Variants in COPS8 observed in about 807,000 individuals in gnomAD.
The protein encoded by COPS8 is COP9 signalosome complex subunit 8.
In COPS8, 11 loss-of-function variants were observed where a neutral mutation model predicts 31.5. The ratio of observed to expected loss-of-function variants is 0.35; its 90% CI spans 0.22 to 0.58. The LOEUF (loss-of-function observed/expected upper bound fraction) is 0.58, where lower values mean the gene tolerates loss of function less well. Ranked by LOEUF, COPS8 falls within the 20% of genes least tolerant of loss-of-function variation. The pLI is 0.83. For synonymous variants in COPS8, 81 were observed against 89.3 expected (o/e 0.91, Z 0.52); for missense variants, 215 against 255.1 (o/e 0.84, Z 1.07).
intron 6 of COPS8, 154 bp from the exon 7 acceptor site, chr2:237,096,668 A>G (rs1696806319): frequency 1.5e-6 from 1 of 674,124 alleles, no homozygotes; most frequent in Non-Finnish European, 2.6e-6. Context: ...GGGAAGAGTA[A>G]TATAATAAAG....
chr2:237,086,934 C>T, intron 1 of COPS8, 193 bp from the exon 2 acceptor site: 1 of 458,388 alleles, frequency 2.2e-6, no homozygotes, highest in Non-Finnish European at 3.7e-6. Context: ...TCAGAATTTT[C>T]GTGTTTGATA....
At chr2:237,095,078 A>G (rs1384304941) in intron 5 of COPS8, among the ~76,000 whole-genome samples, 1 of 152,208 alleles carries the variant, frequency 6.6e-6, no homozygotes. Flanking sequence ...CTAAATTTCC[A>G]GGGCCTAGCA....
chr2:237,096,754 C>A, intron 6 of COPS8, 68 bp from the exon 7 acceptor site: 2 of 1,209,848 alleles, frequency 1.7e-6, no homozygotes, highest in Non-Finnish European at 2.4e-6. Context: ...CTGAAAATAG[C>A]ATGTTCTATG....
chr2:237,085,959 G>A lies in COPS8; in HGVS notation c.-6G>A, dbSNP rs1282914626. ...GGACGGTGCAGCGGCGAGGCCGGCCGCGAAGATGCCAGTGGCGGTGATGGC... is the reference window on the plus strand; with the variant it reads ...GGACGGTGCAGCGGCGAGGCCGGCCACGAAGATGCCAGTGGCGGTGATGGC... On this transcript the variant is annotated 5_prime_UTR_variant, in exon 1 of 8. Coordinates refer to ENST00000354371, the MANE Select transcript of COPS8 (RefSeq NM_006710.5). 1.2e-6 allele frequency: 2 copies of A among 1,612,378 alleles called. No individual in the cohort carries two copies. The highest frequency in any genetic ancestry group is 1.7e-6 in the Non-Finnish European group (2 of 1,179,216).
intron 4 of COPS8, among the ~76,000 whole-genome samples, chr2:237,092,354 C>CAT (rs1317867975): frequency 6.6e-6 from 1 of 152,220 alleles, no homozygotes; most frequent in East Asian, 1.9e-4. Flanking sequence ...TCTCCCATCA[C>CAT]ATGTTTTTCT....
chr2:237,094,600 G>A (rs1696761076), intron 5 of COPS8, among the ~76,000 whole-genome samples: 1 of 152,084 alleles, frequency 6.6e-6, no homozygotes, highest in South Asian at 2.1e-4. Flanking sequence ...CTCTCCAAAT[G>A]TAACTTTGCA....
chr2:237,096,674 TAAAG>T (rs1456797594), intron 6 of COPS8, 144 bp from the exon 7 acceptor site: 1 of 681,834 alleles, frequency 1.5e-6, no homozygotes, highest in Non-Finnish European at 2.6e-6. Flanking sequence ...AGTAATATAA[TAAAG>T]AATTATAATG....
intron 2 of COPS8, 153 bp downstream of exon 2, chr2:237,087,350 G>C (rs1183748761): frequency 1.8e-6 from 1 of 565,152 alleles, no homozygotes; most frequent in East Asian, 3.0e-5. Context: ...TGAATCATAG[G>C]TTAATGAATT....
rs1244534508 is a variant in COPS8 at position 237,087,197 on chromosome 2, T to C, written c.149T>C (p.Met50Thr). The change falls in exon 2 of 8, where the codon ATG becomes ACG. Residue 50 changes from methionine (M) to threonine (T), a missense_variant and splice_region_variant. By Grantham distance (81) the Met-to-Thr change is moderately conservative. Coordinates refer to ENST00000354371, the MANE Select transcript of COPS8 (RefSeq NM_006710.5). ...GCTTTATATTTGCTCCATAATGACA[T>C]GTAAGTATGTTTAACCTAAAGCTAA... The part of the protein sequence containing the change: ...LLALYLLHND[M>T]NNARYLWKRI... The C allele has an allele frequency of 1.7e-5, 27 of 1,599,990 alleles. 1 individual carries two copies. The South Asian group carries it at 2.4e-4, about 14-fold the overall frequency.
intron 1 of COPS8, among the ~76,000 whole-genome samples, chr2:237,086,338 C>T (rs1204050882): frequency 6.6e-6 from 1 of 152,132 alleles, no homozygotes; most frequent in African/African-American, 2.4e-5. Flanking sequence ...CTTTCCTTCC[C>T]AGTATCGGGT....
intron 6 of COPS8, among the ~76,000 whole-genome samples, chr2:237,096,302 T>C (rs1446473056): frequency 6.6e-6 from 1 of 152,118 alleles, no homozygotes; most frequent in East Asian, 1.9e-4. Flanking sequence ...TTTCACAGAG[T>C]TAACTTCTCT....
chr2:237,087,264 C>A (rs1696635046), intron 2 of COPS8, 67 bp downstream of exon 2: 2 of 1,148,732 alleles, frequency 1.7e-6, no homozygotes, highest in Non-Finnish European at 2.6e-6. Flanking sequence ...TATTTCTGCA[C>A]TGAAGTAGCA....
chr2:237,089,412 C>G (rs1366236363), intron 3 of COPS8, among the ~76,000 whole-genome samples: 2 of 152,106 alleles, frequency 1.3e-5, no homozygotes, highest in Non-Finnish European at 1.5e-5. Context: ...TTAGTGGAAA[C>G]TCAATCCTTA....
chr2:237,091,245 A>G (rs1020345250), intron 4 of COPS8, among the ~76,000 whole-genome samples: 1 of 152,224 alleles, frequency 6.6e-6, no homozygotes. Flanking sequence ...GAAAGGCTAT[A>G]TAGCGTACCA....
chr2:237,086,182 C>T, intron 1 of COPS8, 140 bp downstream of exon 1: 2 of 801,206 alleles, frequency 2.5e-6, no homozygotes. Flanking sequence ...ACGTGTGGAT[C>T]CCTGACCGCC....
intron 2 of COPS8, chr2:237,087,512 CAAAA>C: frequency 2.9e-6 from 1 of 346,404 alleles, no homozygotes; most frequent in South Asian, 2.7e-5. Context: ...ATCAATAAAA[CAAAA>C]GAAGTGAAAA....
Position 237,097,766 on chromosome 2 carries a change from C to G in COPS8, c.*24C>G. 6.5e-7 allele frequency: 1 copy of G among 1,548,650 alleles called. No homozygotes were observed. The highest frequency in any genetic ancestry group is 2.2e-5 in the East Asian group (1 of 44,550). On this transcript the variant is annotated 3_prime_UTR_variant, in exon 8 of 8. Transcript: ENST00000354371. ...GATTTATCACTCTGAGTTCAAGATTCATCTTCAGAATCCTGTATACTGACA... is the reference window on the plus strand; with the variant it reads ...GATTTATCACTCTGAGTTCAAGATTGATCTTCAGAATCCTGTATACTGACA...
At chr2:237,087,256 T>C (rs375051415) in intron 2 of COPS8, 59 bp downstream of exon 2, 5 of 1,257,976 alleles carry the variant, frequency 4.0e-6, no homozygotes, top group Non-Finnish European at 5.7e-6. Context: ...TATGGAAATA[T>C]TTCTGCACTG....
At chr2:237,093,895 G>A (rs1696749051) in intron 4 of COPS8, 195 bp from the exon 5 acceptor site, 2 of 1,220,106 alleles carry the variant, frequency 1.6e-6, no homozygotes, top group Non-Finnish European at 2.0e-6. Context: ...TGTAAGAAAT[G>A]TATTTTTTTC....
Sources: allele counts gnomAD v4.1 joint callset (sites outside exome capture counted in the v4.1 genomes callset), GRCh38; gene constraint gnomAD v4.1.1; transcripts MANE v1.5; gene names NCBI Gene and HGNC (gene_info 2026-07-23, HGNC 2026-07-21).